CACNA1I: variants seen among roughly 807,000 people sequenced by gnomAD.
The protein encoded by CACNA1I is voltage-dependent T-type calcium channel subunit alpha-1I.
In CACNA1I, 74 loss-of-function variants were observed where a neutral mutation model predicts 201.6. That is an observed-to-expected ratio of 0.37 (90% confidence interval 0.30 to 0.45). The LOEUF (loss-of-function observed/expected upper bound fraction) is 0.45. Among genes scored for constraint, CACNA1I ranks in the 20% least tolerant of loss-of-function variants. The pLI is 1.00. For missense variants in CACNA1I, 2,346 were observed against 3,138.1 expected (o/e 0.75, Z 6.03); for synonymous variants, 1,431 against 1,345.2 (o/e 1.06, Z -1.40).
intron 5 of CACNA1I, among the ~76,000 whole-genome samples, chr22:39,636,487 C>A (rs1389466959): frequency 6.6e-6 from 1 of 152,184 alleles, no homozygotes; most frequent in Non-Finnish European, 1.5e-5. Flanking sequence ...ACTCACATGC[C>A]CTATTGGGCT....
At chr22:39,585,417 TCTCC>T (rs1359968812) in intron 1 of CACNA1I, among the ~76,000 whole-genome samples, 1 of 128,092 alleles carries the variant, frequency 7.8e-6, no homozygotes, top group African/African-American at 3.0e-5. Context: ...TGAGACTGAG[TCTCC>T]CTCTGTCACC....
rs1934583826 is a variant in CACNA1I at position 39,649,432 on chromosome 22, G to T, written c.1568-69G>T. The T allele has an allele frequency of 1.4e-5, 20 of 1,419,852 alleles. No homozygotes were observed. Among genetic ancestry groups the T allele is most frequent in the Admixed American group, 8.0e-5 (3 of 37,588 alleles). The allele number at this position is 1,419,852 out of a possible 1,614,324, so 88.0% of individuals were successfully genotyped here. A position where few individuals can be genotyped will look rare whatever the true frequency, so the allele number is the denominator to read the frequency against. Reference sequence around the variant, plus strand: ...GGGCCTGGGAGCCAAGCGCACTCAGGGATGTGTCCCAGGGTGGATTGGGCC... The same window carrying T: ...GGGCCTGGGAGCCAAGCGCACTCAGTGATGTGTCCCAGGGTGGATTGGGCC... On this transcript the variant is annotated intron_variant, in intron 9 of 36. Coordinates refer to ENST00000402142, the MANE Select transcript of CACNA1I (RefSeq NM_021096.4). The surrounding 1 kb of genome is among the most constrained non-coding windows in gnomAD (Gnocchi z 7.3).
At chr22:39,653,800 C>G (rs1296915550) in intron 10 of CACNA1I, among the ~76,000 whole-genome samples, 1 of 152,230 alleles carries the variant, frequency 6.6e-6, no homozygotes, top group Admixed American at 6.5e-5. Flanking sequence ...ACCCAGAGAA[C>G]AGCTTGCTCA....
At position 39,666,055 on chromosome 22, in the gene CACNA1I, G is replaced by C; in HGVS notation, c.4104+49G>C. Reference sequence around the variant, plus strand: ...GATCAGACCCTCCCCTCTCTTGGATGCCAGTGGCTCTGGGAATCACAGACC... The same window carrying C: ...GATCAGACCCTCCCCTCTCTTGGATCCCAGTGGCTCTGGGAATCACAGACC... On this transcript the variant is annotated intron_variant, in intron 23 of 36. Coordinates refer to ENST00000402142, the MANE Select transcript of CACNA1I (RefSeq NM_021096.4). This position sits in a 1 kb window ranked among gnomAD's most constrained non-coding sequence, Gnocchi z 4.1. 1 of 1,583,598 alleles carries C rather than the reference G, an allele frequency of 6.3e-7. No individual in the cohort carries two copies. The highest frequency in any genetic ancestry group is 8.6e-7 in the Non-Finnish European group (1 of 1,163,084).
chr22:39,653,864 GAGGGGA>G (rs2146436828), intron 10 of CACNA1I, among the ~76,000 whole-genome samples: 2 of 152,358 alleles, frequency 1.3e-5, no homozygotes, highest in East Asian at 3.9e-4. Context: ...GGCCTAGAAG[GAGGGGA>G]TGGGTGAGGT....
In CACNA1I at chr22:39,600,505, C is replaced by T; in HGVS notation, c.349-15C>T. 1 of 1,610,578 alleles carries T rather than the reference C, an allele frequency of 6.2e-7. No homozygotes were observed. On this transcript the variant is annotated splice_polypyrimidine_tract_variant and intron_variant, in intron 2 of 36. Transcript: ENST00000402142. The stretch of plus-strand genomic sequence containing the variant: ...CCTCACCCTGTCCCTTGCTTCCCTC[C>T]TCCTGCCCCTGCAGGTCTTTGATGA...
At chr22:39,607,473 T>A (rs1021869546) in intron 3 of CACNA1I, among the ~76,000 whole-genome samples, 4 of 152,144 alleles carry the variant, frequency 2.6e-5, no homozygotes, top group South Asian at 4.1e-4. Flanking sequence ...CCTGATGTGG[T>A]CTGTGGGCCA....
At chr22:39,620,241 A>G (rs1021282852) in intron 4 of CACNA1I, among the ~76,000 whole-genome samples, 6 of 76,070 alleles carry the variant, frequency 7.9e-5, no homozygotes, top group African/African-American at 4.4e-4. Flanking sequence ...CCACCTGTCC[A>G]TCCATCCATC....
Position 39,685,806 on chromosome 22 carries a change from G to T in CACNA1I, c.6073G>T (p.Ala2025Ser), listed in dbSNP as rs1383024069. ...TSLDASPSSSAGSLQTTLEDS... is the reference protein window; with the variant it reads ...TSLDASPSSSSGSLQTTLEDS... ...GCTGGACGCCAGCCCCAGCAGCTCC[G>T]CGGGCAGCCTGCAGACCACGCTCGA... The change falls in exon 37 of 37, where the codon GCG becomes TCG. Residue 2025 changes from alanine to serine, a missense_variant. Transcript: ENST00000402142. The surrounding 1 kb of genome is among the most constrained non-coding windows in gnomAD (Gnocchi z 5.0). The T allele has an allele frequency of 6.7e-7, 1 of 1,496,782 alleles. No homozygotes were observed. The highest frequency in any genetic ancestry group is 1.2e-5 in the South Asian group (1 of 80,862). The allele number at this position is 1,496,782 out of a possible 1,614,324, so 92.7% of individuals were successfully genotyped here. A position where few individuals can be genotyped will look rare whatever the true frequency, so the allele number is the denominator to read the frequency against.
At chr22:39,624,479 G>A (rs543761567) in intron 4 of CACNA1I, among the ~76,000 whole-genome samples, 113 of 152,280 alleles carry the variant, frequency 7.4e-4, no homozygotes, top group African/African-American at 2.6e-3. Flanking sequence ...GGGGAGTGTC[G>A]GCTTCCCGCC....
rs1390299676 is a variant in CACNA1I at position 39,665,663 on chromosome 22, G to A, written c.3978+39G>A. ...AGTCTGGGCAGGGACTGGGCTCTGT[G>A]ACTGGGGAAAAGGAAGTCTCAGACA... On this transcript the variant is annotated intron_variant, in intron 22 of 36. Transcript: ENST00000402142. The surrounding 1 kb of genome is among the most constrained non-coding windows in gnomAD (Gnocchi z 5.5). 6.2e-7 allele frequency: 1 copy of A among 1,603,496 alleles called. No individual in the cohort carries two copies. Among genetic ancestry groups the A allele is most frequent in the African/African-American group, 1.3e-5 (1 of 74,830 alleles).
intron 6 of CACNA1I, among the ~76,000 whole-genome samples, chr22:39,642,462 A>G (rs568096881): frequency 6.6e-6 from 1 of 152,266 alleles, no homozygotes; most frequent in East Asian, 1.9e-4. Context: ...AGACTCAAAG[A>G]GGGTGGGTGG....
At chr22:39,614,337 A>G (rs938425507) in intron 3 of CACNA1I, among the ~76,000 whole-genome samples, 3 of 152,190 alleles carry the variant, frequency 2.0e-5, no homozygotes, top group African/African-American at 7.2e-5. Flanking sequence ...CCTAGAACCC[A>G]AAAGGAAGGC....
Position 39,684,888 on chromosome 22 carries a change from T to G in CACNA1I, c.6027+390T>G. The G allele has an allele frequency of 2.4e-6, 1 of 408,248 alleles. No individual in the cohort carries two copies. Among genetic ancestry groups the G allele is most frequent in the African/African-American group, 2.0e-5 (1 of 49,868 alleles). The allele number at this position is 408,248 out of a possible 1,614,324, so 25.3% of individuals were successfully genotyped here. ...TGGGTGTGAGTGGGGGCTTGATTAC[T>G]AGGAATGGAGGTGGGAGGGCGGGTC... On this transcript the variant is annotated intron_variant, in intron 36 of 36. Transcript: ENST00000402142. The surrounding 1 kb of genome is among the most constrained non-coding windows in gnomAD (Gnocchi z 4.6).
At chr22:39,586,100 C>G (rs1932744706) in intron 1 of CACNA1I, among the ~76,000 whole-genome samples, 1 of 151,916 alleles carries the variant, frequency 6.6e-6, no homozygotes, top group East Asian at 1.9e-4. Flanking sequence ...ATCGCTTGAA[C>G]CAGGGAGTCA....
intron 4 of CACNA1I, among the ~76,000 whole-genome samples, chr22:39,631,146 G>A (rs1190045448): frequency 6.6e-6 from 1 of 152,190 alleles, no homozygotes; most frequent in Non-Finnish European, 1.5e-5. Context: ...TGAAGGGCTG[G>A]CTGGACAGGA....
Position 39,666,128 on chromosome 22 carries a change from G to C in CACNA1I, c.4104+122G>C. The C allele has an allele frequency of 7.8e-7, 1 of 1,274,744 alleles. No individual in the cohort carries two copies. The highest frequency in any genetic ancestry group is 1.1e-6 in the Non-Finnish European group (1 of 916,302). 79.0% of individuals were successfully genotyped at this position (1,274,744 alleles called of 1,614,324 possible). On this transcript the variant is annotated intron_variant, in intron 23 of 36. Coordinates refer to ENST00000402142, the MANE Select transcript of CACNA1I (RefSeq NM_021096.4). The surrounding 1 kb of genome is among the most constrained non-coding windows in gnomAD (Gnocchi z 4.1). Reference sequence around the variant, plus strand: ...ACTGACACTGACTTCTCCTCTCCAAGCCTCAGTTTCCTCTTCTGCAAAATG... The same window carrying C: ...ACTGACACTGACTTCTCCTCTCCAACCCTCAGTTTCCTCTTCTGCAAAATG...
Position 39,665,025 on chromosome 22 carries a change from C to CACTATTGGAGGACCGAGTG in CACNA1I, c.3851+102_3851+103insACTATTGGAGGACCGAGTG. 1 of 1,102,558 alleles carries CACTATTGGAGGACCGAGTG rather than the reference C, an allele frequency of 9.1e-7. No individual in the cohort carries two copies. Among genetic ancestry groups the CACTATTGGAGGACCGAGTG allele is most frequent in the Non-Finnish European group, 1.3e-6 (1 of 764,836 alleles). The allele number at this position is 1,102,558 out of a possible 1,614,324, so 68.3% of individuals were successfully genotyped here. A position where few individuals can be genotyped will look rare whatever the true frequency, so the allele number is the denominator to read the frequency against. On this transcript the variant is annotated intron_variant, in intron 21 of 36. Coordinates refer to ENST00000402142, the MANE Select transcript of CACNA1I (RefSeq NM_021096.4). The surrounding 1 kb of genome is among the most constrained non-coding windows in gnomAD (Gnocchi z 5.5). ...ACTCCGCCCTCCCCGCCCGCCCACT[C>CACTATTGGAGGACCGAGTG]GGTCCTCCAATAGTGAGTGCCAAAC...
chr22:39,663,697 G>GCC, intron 18 of CACNA1I, 21 bp from the exon 19 acceptor site: 4 of 1,592,618 alleles, frequency 2.5e-6, no homozygotes, highest in Non-Finnish European at 3.4e-6. Flanking sequence ...CGCTCAGGCA[G>GCC]CCCCCGCCCA....
Sources: gnomAD v4.1 joint callset for allele counts (sites outside exome capture counted in the v4.1 genomes callset) on GRCh38, gnomAD v4.1.1 for gene constraint, Gnocchi (gnomAD v3.1) non-coding constraint, MANE v1.5 for transcripts, NCBI Gene and HGNC (gene_info 2026-07-23, HGNC 2026-07-21) for gene names.